NAALAD2: variants seen among roughly 807,000 people sequenced by gnomAD.
The protein encoded by NAALAD2 is N-acetylated alpha-linked acidic dipeptidase 2, also known as N-acetylated-alpha-linked acidic dipeptidase 2.
In NAALAD2, 89 loss-of-function variants were observed where a neutral mutation model predicts 95.6. The ratio of observed to expected loss-of-function variants is 0.93; its 90% confidence interval spans 0.78 to 1.11. The LOEUF is 1.11. Ranked by LOEUF, NAALAD2 falls within the 50% of genes least tolerant of loss-of-function variation. NAALAD2 has a pLI of 0.00. For synonymous variants in NAALAD2, 264 were observed against 294.4 expected (o/e 0.90, Z 1.06); for missense variants, 894 against 872.4 (o/e 1.02, Z -0.31).
In NAALAD2 at chr11:90,149,025, T is replaced by G. The variant is rs1565515990; in HGVS notation, c.401T>G (p.Leu134Arg). 1 of 1,604,544 alleles carries G rather than the reference T, an allele frequency of 6.2e-7. No individual in the cohort carries two copies. The highest frequency in any genetic ancestry group is 8.5e-7 in the Non-Finnish European group (1 of 1,175,266). Residue 134 changes from leucine to arginine, a missense_variant, in exon 4 of 19, where the codon CTT (leucine) becomes CGT (arginine). By Grantham distance (102) the Leu-to-Arg change is moderately radical. Coordinates refer to ENST00000534061, the MANE Select transcript of NAALAD2 (RefSeq NM_005467.4). ...HETEIFKTSY[L>R]EPPPDGYENV... ...TGCTAGATTTTCAAAACATCATACC[T>G]TGAACCACCACCAGATGGCTATGAG...
At chr11:90,178,625 C>T (rs532824055) in intron 16 of NAALAD2, among the ~76,000 whole-genome samples, 140 of 150,958 alleles carry the variant, frequency 9.3e-4, no homozygotes, top group Admixed American at 1.8e-3. Context: ...GAGCTGAGAT[C>T]GCGCCACTGC....
At chr11:90,154,831 T>TA (rs1951989834) in intron 6 of NAALAD2, among the ~76,000 whole-genome samples, 2 of 139,884 alleles carry the variant, frequency 1.4e-5, no homozygotes, top group African/African-American at 5.5e-5. Flanking sequence ...ATATGTAATG[T>TA]TACATAGTAT....
At position 90,135,628 on chromosome 11, in the gene NAALAD2, T is replaced by G. The variant is rs1378207714; in HGVS notation, c.152T>G (p.Leu51Arg). 2 of 1,613,570 alleles carry G rather than the reference T, an allele frequency of 1.2e-6. No individual in the cohort carries two copies. The highest frequency in any genetic ancestry group is 1.7e-6 in the Non-Finnish European group (2 of 1,179,768). The change falls in exon 2 of 19, where the codon CTG (leucine) becomes CGG (arginine). Residue 51 changes from leucine (L) to arginine (R), a missense_variant. By Grantham distance (102) the Leu-to-Arg change is moderately radical. Transcript: ENST00000534061. Reference sequence around the variant, plus strand: ...TATCATCAAAGTATACGGTGGAAACTGGTATCCGAAATGAAAGCTGAAAAC... The same window carrying G: ...TATCATCAAAGTATACGGTGGAAACGGGTATCCGAAATGAAAGCTGAAAAC... ...VRYHQSIRWK[L>R]VSEMKAENIK...
chr11:90,179,919 GATTA>G (rs1449942727), intron 16 of NAALAD2, among the ~76,000 whole-genome samples: 4 of 152,066 alleles, frequency 2.6e-5, no homozygotes, highest in African/African-American at 7.2e-5. Context: ...CTATCCATTA[GATTA>G]ATTATTCTTA....
chr11:90,133,647 G>A (rs546361247), upstream of NAALAD2, among the ~76,000 whole-genome samples: 7 of 152,184 alleles, frequency 4.6e-5, no homozygotes, highest in Non-Finnish European at 1.0e-4. Context: ...TTTTAAGAGG[G>A]TAGTAAATGA....
chr11:90,154,061 C>G (rs1181228728), intron 6 of NAALAD2, among the ~76,000 whole-genome samples: 2 of 146,714 alleles, frequency 1.4e-5, no homozygotes, highest in African/African-American at 4.9e-5. Flanking sequence ...CTCTGTCTCT[C>G]TCTCTCTTTC....
Position 90,163,014 on chromosome 11 carries a change from T to C in NAALAD2, c.1055T>C (p.Ile352Thr), listed in dbSNP as rs766618749. 3.2e-6 allele frequency: 5 copies of C among 1,573,162 alleles called. No individual in the cohort carries two copies. Among genetic ancestry groups the C allele is most frequent in the Non-Finnish European group, 2.6e-6 (3 of 1,156,098 alleles). The part of the protein sequence containing the change: ...ITRIYNVVGT[I>T]RGSVEPDRYV... ...AGGATTTACAATGTAGTTGGAACTA[T>C]CAGAGGATCTGTGGAACCTGGTGAG... The change falls in exon 9 of 19, where the codon ATC becomes ACC. Residue 352 changes from isoleucine (I) to threonine (T), a missense_variant. Physicochemically the swap from Ile to Thr is moderately conservative, Grantham distance 89. Transcript: ENST00000534061.
chr11:90,190,920 C>T (rs983120673), intron 18 of NAALAD2, among the ~76,000 whole-genome samples: 5 of 152,042 alleles, frequency 3.3e-5, no homozygotes, highest in African/African-American at 1.2e-4. Context: ...CAAAATTCTA[C>T]GTCATTATTG....
upstream of NAALAD2, chr11:90,132,004 A>G (rs1437675257): frequency 1.3e-5 from 2 of 152,326 alleles, no homozygotes. Flanking sequence ...AAGTACAAGT[A>G]TTTGCCAAGA....
intron 2 of NAALAD2, among the ~76,000 whole-genome samples, chr11:90,144,599 G>A (rs747009234): frequency 1.1e-4 from 17 of 151,718 alleles, no homozygotes; most frequent in Non-Finnish European, 1.9e-4. Flanking sequence ...AAAATTAGCT[G>A]GGCATTGTGG....
chr11:90,169,669 A>G (rs1016615037), intron 12 of NAALAD2: 2 of 171,772 alleles, frequency 1.2e-5, no homozygotes, highest in East Asian at 3.4e-4. Flanking sequence ...TTCTAAATAA[A>G]TGTTAGAACC....
intron 11 of NAALAD2, among the ~76,000 whole-genome samples, chr11:90,167,060 G>C (rs1366041029): frequency 1.3e-5 from 2 of 152,208 alleles, no homozygotes; most frequent in African/African-American, 4.8e-5. Flanking sequence ...CGCTCTCGGC[G>C]CCTCCTCGGC....
intron 17 of NAALAD2, 40 bp downstream of exon 17, chr11:90,181,741 AAG>A: frequency 1.6e-6 from 2 of 1,247,558 alleles, no homozygotes; most frequent in Non-Finnish European, 2.3e-6. Context: ...AAAAAAAAAA[AAG>A]CAATCTGGTT....
intron 1 of NAALAD2, 152 bp downstream of exon 1, chr11:90,134,992 T>G: frequency 1.4e-6 from 1 of 712,624 alleles, no homozygotes; most frequent in East Asian, 2.7e-5. Context: ...TCAGCAAAAC[T>G]AGAAACCAGA....
chr11:90,145,720 G>A (rs10765255), intron 2 of NAALAD2, among the ~76,000 whole-genome samples: 68,668 of 151,932 alleles, frequency 0.45, 16,574 homozygotes, highest in African/African-American at 0.62. Context: ...TAGAAGTGGT[G>A]ATAGAGGGAG....
rs1381697375 is a variant in NAALAD2, at chr11:90,192,815, T to C, written c.*1068T>C. The C allele has an allele frequency of 6.6e-6, 1 of 152,000 alleles. No homozygotes were observed. Among genetic ancestry groups the C allele is most frequent in the Admixed American group, 6.6e-5 (1 of 15,242 alleles). 9.4% of individuals were successfully genotyped at this position (152,000 alleles called of 1,614,324 possible). A position where few individuals can be genotyped will look rare whatever the true frequency, so the allele number is the denominator to read the frequency against. ...AGACTGTATATCAGAATCTGCAAAC[T>C]TTTATGCAGATCCCAGTGACTCAAT... On this transcript the variant is annotated 3_prime_UTR_variant, in exon 19 of 19. Coordinates refer to ENST00000534061, the MANE Select transcript of NAALAD2 (RefSeq NM_005467.4).
At chr11:90,172,468 AGT>A (rs1952672428) in intron 13 of NAALAD2, among the ~76,000 whole-genome samples, 1 of 152,170 alleles carries the variant, frequency 6.6e-6, no homozygotes, top group South Asian at 2.1e-4. Flanking sequence ...CCTCTAAATA[AGT>A]GGGGTGAGAT....
At chr11:90,165,078 TTC>T (rs899824898) in intron 11 of NAALAD2, among the ~76,000 whole-genome samples, 4 of 152,182 alleles carry the variant, frequency 2.6e-5, no homozygotes, top group African/African-American at 9.7e-5. Flanking sequence ...GTATTTATTT[TTC>T]TGTTTCAACA....
chr11:90,185,419 C>G (rs960896989), intron 18 of NAALAD2, among the ~76,000 whole-genome samples: 1 of 151,838 alleles, frequency 6.6e-6, no homozygotes, highest in Non-Finnish European at 1.5e-5. Flanking sequence ...ACTTGTAATC[C>G]CAGCGCTTTG....
Sources: gnomAD v4.1 joint callset for allele counts (sites outside exome capture counted in the v4.1 genomes callset) on GRCh38, gnomAD v4.1.1 for gene constraint, MANE v1.5 for transcripts, NCBI Gene and HGNC (gene_info 2026-07-23, HGNC 2026-07-21) for gene names.